Variants in KATNAL2 observed in about 807,000 individuals in gnomAD.
KATNAL2 encodes katanin p60 ATPase-containing subunit A-like 2.
Under a neutral mutation model 76.3 loss-of-function variants are expected in KATNAL2, and 52 were observed. The observed-to-expected ratio is 0.68, with a 90% CI of 0.55 to 0.86. The LOEUF is 0.86. Among genes scored for constraint, KATNAL2 ranks in the 40% least tolerant of loss-of-function variants. KATNAL2 has a pLI of 0.00. For missense variants in KATNAL2, 660 were observed against 668.9 expected (o/e 0.99, Z 0.15); for synonymous variants, 243 against 244.2 (o/e 1.00, Z 0.05).
At chr18:47,061,562 C>T (rs980266072) in intron 8 of KATNAL2, among the ~76,000 whole-genome samples, 1 of 152,176 alleles carries the variant, frequency 6.6e-6, no homozygotes, top group Non-Finnish European at 1.5e-5. Flanking sequence ...GGGCACACAT[C>T]CTTACTACAT....
At chr18:47,084,569 C>A in intron 15 of KATNAL2, 1 of 591,392 alleles carries the variant, frequency 1.7e-6, no homozygotes, top group Non-Finnish European at 3.0e-6. Flanking sequence ...CGACTGTGGG[C>A]CAGGTGCAGT....
At position 47,034,228 on chromosome 18, in the gene KATNAL2, G is replaced by A. The variant is rs1428618338; in HGVS notation, c.52-12229G>A. The A allele has an allele frequency of 6.8e-6, 11 of 1,613,846 alleles. No individual in the cohort carries two copies. In the East Asian group the frequency reaches 2.5e-4, roughly 36 times the overall value. On this transcript the variant is annotated intron_variant, in intron 3 of 17. Coordinates refer to ENST00000683218, the MANE Select transcript of KATNAL2 (RefSeq NM_001387690.1). Reference sequence around the variant, plus strand: ...AGCAGTCGGTGGCTTCCCCTCTTGAGTCTCTCGGTCGTTGGAAAGCTGCTC... The same window carrying A: ...AGCAGTCGGTGGCTTCCCCTCTTGAATCTCTCGGTCGTTGGAAAGCTGCTC...
intron 3 of KATNAL2, among the ~76,000 whole-genome samples, chr18:46,961,934 A>C (rs1330603313): frequency 6.6e-6 from 1 of 152,224 alleles, no homozygotes; most frequent in Non-Finnish European, 1.5e-5. Flanking sequence ...ATAAGTTTTT[A>C]AGAGCTACAC....
At chr18:47,098,731 A>G (rs1006966338) in intron 15 of KATNAL2, 1 of 156,022 alleles carries the variant, frequency 6.4e-6, no homozygotes, top group African/African-American at 2.4e-5. Flanking sequence ...TAAGTTCACC[A>G]ATGTAATGAA....
chr18:46,918,897 C>T (rs1176328996), intron 1 of KATNAL2, among the ~76,000 whole-genome samples: 2 of 152,174 alleles, frequency 1.3e-5, no homozygotes, highest in East Asian at 1.9e-4. Flanking sequence ...CCTGTTATGA[C>T]CTCTCCTAGG....
At chr18:47,067,208 A>T in intron 11 of KATNAL2, 89 bp downstream of exon 11, 1 of 569,762 alleles carries the variant, frequency 1.8e-6, no homozygotes, top group Admixed American at 2.7e-5. Context: ...AGGGAAGGGC[A>T]GGATGATTTT....
chr18:47,032,861 A>G, intron 3 of KATNAL2: 1 of 1,520,910 alleles, frequency 6.6e-7, no homozygotes, highest in Non-Finnish European at 8.9e-7. Context: ...GGGCCAGCAC[A>G]TGACACCTGC....
chr18:46,961,810 T>C lies in KATNAL2; in HGVS notation c.51+14887T>C, dbSNP rs558919024. On this transcript the variant is annotated intron_variant, in intron 3 of 17. Transcript: ENST00000683218. ...ATAAATGGCATTTTTGATTTGGGCT[T>C]TCTGCTAGGTAAAAAAGTCAAAACA... Among the ~76,000 whole-genome samples the C allele has an allele frequency of 5.9e-5, 9 of 152,308 alleles. No individual in the cohort carries two copies. In the South Asian group the frequency reaches 1.9e-3, roughly 32 times the overall value.
chr18:46,920,008 C>T (rs1323689499), intron 1 of KATNAL2: 1 of 1,240,826 alleles, frequency 8.1e-7, no homozygotes, highest in Non-Finnish European at 1.1e-6. Context: ...AGAGGACCAA[C>T]ATAAACACAA....
intron 3 of KATNAL2, among the ~76,000 whole-genome samples, chr18:47,041,600 C>G (rs1052191272): frequency 3.9e-5 from 6 of 152,110 alleles, no homozygotes; most frequent in African/African-American, 1.4e-4. Flanking sequence ...ATCCATTCAC[C>G]TACTGAACGA....
chr18:46,941,020 T>A (rs2059231157), intron 1 of KATNAL2, among the ~76,000 whole-genome samples: 1 of 151,958 alleles, frequency 6.6e-6, no homozygotes, highest in Non-Finnish European at 1.5e-5. Context: ...CAAGACCTTG[T>A]CTCCAAAAAC....
chr18:47,032,039 A>G (rs1009128879), intron 3 of KATNAL2, among the ~76,000 whole-genome samples: 20 of 152,190 alleles, frequency 1.3e-4, no homozygotes, highest in African/African-American at 4.3e-4. Flanking sequence ...CGGTCCTTTC[A>G]TGGTAATTAG....
intron 3 of KATNAL2, chr18:47,033,203 G>C (rs769987500): frequency 4.3e-6 from 7 of 1,613,990 alleles, no homozygotes; most frequent in Non-Finnish European, 2.5e-6. Context: ...CTGCTGCTCT[G>C]GCTGGAGGGA....
chr18:47,059,223 T>C (rs2061558679), intron 7 of KATNAL2, among the ~76,000 whole-genome samples: 1 of 152,138 alleles, frequency 6.6e-6, no homozygotes, highest in Non-Finnish European at 1.5e-5. Context: ...CAGCCACTCC[T>C]GGCCAAAAAC....
At chr18:47,035,261 C>A (rs751782164) in intron 3 of KATNAL2, 3 of 1,612,602 alleles carry the variant, frequency 1.9e-6, no homozygotes, top group African/African-American at 1.3e-5. Context: ...GACCCTGCCG[C>A]CATCTCACCA....
intron 10 of KATNAL2, among the ~76,000 whole-genome samples, chr18:47,066,001 T>A (rs919068257): frequency 6.6e-6 from 1 of 151,312 alleles, no homozygotes; most frequent in East Asian, 1.9e-4. Flanking sequence ...TTAAAAAATT[T>A]AAAAAAAATT....
At chr18:47,065,765 C>G (rs1167699314) in intron 10 of KATNAL2, among the ~76,000 whole-genome samples, 1 of 151,992 alleles carries the variant, frequency 6.6e-6, no homozygotes. Context: ...AGAAGGATCA[C>G]TTGTGTCCAG....
intron 15 of KATNAL2, among the ~76,000 whole-genome samples, chr18:47,088,894 G>A (rs2062886002): frequency 6.6e-6 from 1 of 152,172 alleles, no homozygotes; most frequent in South Asian, 2.1e-4. Context: ...CCAATAAGAG[G>A]AGATCTGTGG....
chr18:47,096,816 CATA>C (rs2063262999), intron 15 of KATNAL2, among the ~76,000 whole-genome samples: 2 of 152,104 alleles, frequency 1.3e-5, no homozygotes, highest in South Asian at 2.1e-4. Context: ...TATGTAATTT[CATA>C]ATAACTCCAA....
Sources: allele counts gnomAD v4.1 joint callset (sites outside exome capture counted in the v4.1 genomes callset), GRCh38; gene constraint gnomAD v4.1.1; transcripts MANE v1.5; gene names NCBI Gene and HGNC (gene_info 2026-07-23, HGNC 2026-07-21).